Variants in RELN observed in about 807,000 individuals in gnomAD.
RELN encodes reelin.
A neutral mutation model predicts 427.6 loss-of-function variants in RELN; 108 were observed. The ratio of observed to expected loss-of-function variants is 0.25; its 90% CI spans 0.22 to 0.30. The LOEUF (loss-of-function observed/expected upper bound fraction) is 0.30. RELN is among the 10% of genes least tolerant of loss of function. The pLI is 1.00. For synonymous variants in RELN, 1,524 were observed against 1,513.4 expected, an observed-to-expected ratio of 1.01 and a Z score of -0.16; for missense variants, 3,715 against 4,302.8, an observed-to-expected ratio of 0.86 and a Z score of 3.82.
chr7:103,554,375 T>C (rs984175907), intron 38 of RELN, among the ~76,000 whole-genome samples: 3 of 151,578 alleles, frequency 2.0e-5, no homozygotes, highest in South Asian at 2.1e-4. Flanking sequence ...CTGGGCAATA[T>C]GGCAAAACCT....
chr7:103,669,677 A>G (rs1053745671), intron 11 of RELN, among the ~76,000 whole-genome samples: 3 of 151,958 alleles, frequency 2.0e-5, no homozygotes, highest in Non-Finnish European at 2.9e-5. Context: ...AGTTCTGTCA[A>G]CATCTCGGAT....
chr7:103,662,590 C>T (rs1171371105), intron 11 of RELN, among the ~76,000 whole-genome samples: 1 of 140,778 alleles, frequency 7.1e-6, no homozygotes, highest in African/African-American at 2.7e-5. Context: ...TGCACCACTG[C>T]ACTCCAGCCT....
intron 2 of RELN, among the ~76,000 whole-genome samples, chr7:103,871,818 G>A (rs1237306303): frequency 7.2e-5 from 11 of 152,068 alleles, no homozygotes; most frequent in Non-Finnish European, 1.6e-4. Context: ...CTTTGGAAGA[G>A]AGGGCAATCC....
At position 103,574,111 on chromosome 7, in the gene RELN, G is replaced by A. The variant is rs769032602; in HGVS notation, c.4492C>T (p.Leu1498=). 6 of 1,614,018 alleles carry A rather than the reference G, an allele frequency of 3.7e-6. No individual in the cohort carries two copies. Among genetic ancestry groups the A allele is most frequent in the Non-Finnish European group, 4.2e-6 (5 of 1,179,894 alleles). The change falls in exon 30 of 65, where the codon CTG becomes TTG. Residue 1498 remains leucine, a synonymous_variant. Coordinates refer to ENST00000428762, the MANE Select transcript of RELN (RefSeq NM_005045.4). ...TGTTACCTGATATTCCTGGTGTCCA[G>A]AGGGACCGTCCGGGCTTCCCTTTTC... The part of the protein sequence containing the change: ...PGKREARTVP[L]DTRNIRLVQF...
chr7:103,847,611 T>C (rs1793711850), intron 2 of RELN, among the ~76,000 whole-genome samples: 1 of 152,172 alleles, frequency 6.6e-6, no homozygotes, highest in African/African-American at 2.4e-5. Flanking sequence ...TAGGTCAAAC[T>C]TGGCATTTCT....
At chr7:103,663,169 C>T (rs887253527) in intron 11 of RELN, among the ~76,000 whole-genome samples, 18 of 152,156 alleles carry the variant, frequency 1.2e-4, no homozygotes, top group Admixed American at 3.3e-4. Flanking sequence ...CCAGCCCCAC[C>T]ACTCCATCTC....
At chr7:103,576,577 A>C (rs1467784582) in intron 28 of RELN, among the ~76,000 whole-genome samples, 1 of 152,246 alleles carries the variant, frequency 6.6e-6, no homozygotes, top group Non-Finnish European at 1.5e-5. Context: ...GGATATCTGC[A>C]GAAGAGGCTG....
intron 32 of RELN, 63 bp from the exon 33 acceptor site, chr7:103,566,475 A>T: frequency 6.3e-7 from 1 of 1,588,214 alleles, no homozygotes; most frequent in East Asian, 2.2e-5. Context: ...GAATATCTTC[A>T]TGACTGTGAT....
intron 7 of RELN, among the ~76,000 whole-genome samples, chr7:103,724,438 A>C (rs1480657070): frequency 6.6e-6 from 1 of 152,204 alleles, no homozygotes; most frequent in Non-Finnish European, 1.5e-5. Flanking sequence ...AAATATCTAT[A>C]TCATGACTTG....
chr7:103,863,808 C>A (rs1413034307), intron 2 of RELN, among the ~76,000 whole-genome samples: 1 of 150,930 alleles, frequency 6.6e-6, no homozygotes, highest in Non-Finnish European at 1.5e-5. Context: ...GAGATAAATC[C>A]TTTGCAATCA....
intron 11 of RELN, among the ~76,000 whole-genome samples, chr7:103,664,292 C>T (rs1168758536): frequency 6.6e-6 from 1 of 152,182 alleles, no homozygotes; most frequent in African/African-American, 2.4e-5. Context: ...TGTGTGTTTA[C>T]ATATGCATGT....
intron 4 of RELN, among the ~76,000 whole-genome samples, chr7:103,766,578 G>T (rs370700659): frequency 2.5e-4 from 38 of 152,188 alleles, no homozygotes; most frequent in East Asian, 1.5e-3. Flanking sequence ...ATAAAAGGAG[G>T]TTAAACACCC....
At chr7:103,475,616 A>T (rs1446096013) in intron 64 of RELN, among the ~76,000 whole-genome samples, 1 of 152,240 alleles carries the variant, frequency 6.6e-6, no homozygotes, top group Non-Finnish European at 1.5e-5. Context: ...TCTCAATGCA[A>T]CCTAGATTGA....
At chr7:103,761,911 C>T (rs1264367326) in intron 4 of RELN, among the ~76,000 whole-genome samples, 2 of 152,000 alleles carry the variant, frequency 1.3e-5, no homozygotes, top group South Asian at 2.1e-4. Flanking sequence ...TTTTAAGTAA[C>T]ATTTAGAGGT....
At chr7:103,576,205 AG>A (rs1287100995) in intron 28 of RELN, among the ~76,000 whole-genome samples, 1 of 152,178 alleles carries the variant, frequency 6.6e-6, no homozygotes, top group Non-Finnish European at 1.5e-5. Context: ...CACTCCATCC[AG>A]CCTGGGTGAC....
In RELN at chr7:103,842,290, T is replaced by C. The variant is rs183926418; in HGVS notation, c.338-8618A>G. 1.7e-3 allele frequency among the ~76,000 whole-genome samples: 251 copies of C among 150,810 alleles called. 1 individual carries two copies. The highest frequency in any genetic ancestry group is 5.9e-3 in the African/African-American group (243 of 41,316). On this transcript the variant is annotated intron_variant, in intron 2 of 64. Transcript: ENST00000428762. ...AAAAAAACACAGACTGTTCTGAAAA[T>C]GTAGTTTGGAAAGTTAGTGTTATAT...
At chr7:103,856,197 G>A (rs1584301651) in intron 2 of RELN, among the ~76,000 whole-genome samples, 1 of 151,962 alleles carries the variant, frequency 6.6e-6, no homozygotes, top group African/African-American at 2.4e-5. Flanking sequence ...TAAAATACAA[G>A]GTATAATAGA....
At chr7:103,576,048 C>A (rs537723990) in intron 28 of RELN, among the ~76,000 whole-genome samples, 1 of 152,024 alleles carries the variant, frequency 6.6e-6, no homozygotes, top group Admixed American at 6.6e-5. Flanking sequence ...CTGGCTAACA[C>A]GGTGAAACCC....
intron 12 of RELN, among the ~76,000 whole-genome samples, chr7:103,661,129 A>T (rs1410226570): frequency 6.6e-6 from 1 of 152,070 alleles, no homozygotes; most frequent in Non-Finnish European, 1.5e-5. Context: ...AGGTGGAAGG[A>T]AGGTATTATG....
Sources: gnomAD v4.1 joint callset for allele counts (sites outside exome capture counted in the v4.1 genomes callset) on GRCh38, gnomAD v4.1.1 for gene constraint, MANE v1.5 for transcripts, NCBI Gene and HGNC (gene_info 2026-07-23, HGNC 2026-07-21) for gene names.